Variants in ASIC2 observed in about 807,000 individuals in gnomAD.
ASIC2 encodes the protein acid-sensing ion channel 2.
A neutral mutation model predicts 57.3 loss-of-function variants in ASIC2; 25 were observed. The ratio of observed to expected loss-of-function variants is 0.44; its 90% CI spans 0.32 to 0.61. The LOEUF is 0.61. ASIC2 is among the 20% of genes least tolerant of loss of function. The pLI is 0.06. For synonymous variants in ASIC2, 319 were observed against 307.5 expected (o/e 1.04, Z -0.39); for missense variants, 641 against 738.1 (o/e 0.87, Z 1.52).
intron 1 of ASIC2, among the ~76,000 whole-genome samples, chr17:33,681,974 G>T (rs557483898): frequency 6.6e-6 from 1 of 151,842 alleles, no homozygotes; most frequent in Non-Finnish European, 1.5e-5. Context: ...ATTTATAAAA[G>T]GTAGTGCTTG....
chr17:33,343,832 CTT>C (rs1907833156), intron 1 of ASIC2, among the ~76,000 whole-genome samples: 1 of 152,228 alleles, frequency 6.6e-6, no homozygotes, highest in Admixed American at 6.5e-5. Flanking sequence ...AATCCGATCT[CTT>C]CTCTGTGTGA....
chr17:33,742,973 T>C (rs1401291956), intron 1 of ASIC2, among the ~76,000 whole-genome samples: 1 of 152,218 alleles, frequency 6.6e-6, no homozygotes, highest in African/African-American at 2.4e-5. Context: ...CAGTTCCTGT[T>C]GGTAAGTCCT....
At chr17:33,889,986 C>A (rs756565231) in intron 1 of ASIC2, among the ~76,000 whole-genome samples, 1 of 152,162 alleles carries the variant, frequency 6.6e-6, no homozygotes, top group Non-Finnish European at 1.5e-5. Context: ...TAGGCTTAGT[C>A]CAGGGTGAGG....
chr17:33,061,138 T>C (rs1447750980), intron 3 of ASIC2, among the ~76,000 whole-genome samples: 1 of 152,338 alleles, frequency 6.6e-6, no homozygotes, highest in African/African-American at 2.4e-5. Context: ...CTTTTCCTAA[T>C]TGAATACCCT....
chr17:34,067,582 A>T (rs912893600), intron 1 of ASIC2, among the ~76,000 whole-genome samples: 1 of 152,216 alleles, frequency 6.6e-6, no homozygotes, highest in South Asian at 2.1e-4. Flanking sequence ...TTCTAAAAAA[A>T]CTATCCCAAG....
chr17:33,608,667 A>T (rs1216667989), intron 1 of ASIC2, among the ~76,000 whole-genome samples: 1 of 152,184 alleles, frequency 6.6e-6, no homozygotes, highest in East Asian at 1.9e-4. Flanking sequence ...GAAGCAACAC[A>T]GGTCTCCTTT....
At chr17:33,238,657 G>A (rs752759053) in intron 1 of ASIC2, among the ~76,000 whole-genome samples, 4 of 152,116 alleles carry the variant, frequency 2.6e-5, no homozygotes, top group Non-Finnish European at 2.9e-5. Flanking sequence ...GGGCCTTTGC[G>A]TTTGCTGTTC....
At chr17:33,717,513 G>A (rs969433592) in intron 1 of ASIC2, among the ~76,000 whole-genome samples, 2 of 152,152 alleles carry the variant, frequency 1.3e-5, no homozygotes, top group Non-Finnish European at 2.9e-5. Flanking sequence ...AGCGATGGGA[G>A]GTCATAATGC....
At chr17:33,607,979 T>C (rs748861950) in intron 1 of ASIC2, among the ~76,000 whole-genome samples, 164 of 152,160 alleles carry the variant, frequency 1.1e-3, no homozygotes, top group Non-Finnish European at 2.1e-3. Context: ...TAAAGGATCC[T>C]ACCCATGGGC....
At chr17:33,319,374 A>G (rs1199009721) in intron 1 of ASIC2, among the ~76,000 whole-genome samples, 7 of 152,234 alleles carry the variant, frequency 4.6e-5, no homozygotes, top group African/African-American at 1.7e-4. Flanking sequence ...GCCCAGGACA[A>G]TCTATTGGTC....
chr17:33,739,806 A>AAGAC (rs1169881496), intron 1 of ASIC2, among the ~76,000 whole-genome samples: 1 of 147,142 alleles, frequency 6.8e-6, no homozygotes, highest in Non-Finnish European at 1.5e-5. Context: ...GAAAGAAAGA[A>AAGAC]AGAAAGAGAG....
chr17:33,826,571 C>T (rs554408932), intron 1 of ASIC2, among the ~76,000 whole-genome samples: 38 of 152,262 alleles, frequency 2.5e-4, no homozygotes, highest in East Asian at 2.3e-3. Context: ...AATGAGGAAA[C>T]AGGCCCAGAG....
chr17:33,073,945 G>A (rs1295296910), intron 3 of ASIC2, among the ~76,000 whole-genome samples: 2 of 152,126 alleles, frequency 1.3e-5, no homozygotes, highest in African/African-American at 4.8e-5. Flanking sequence ...ACAAGGGAGA[G>A]GGATCTGAGG....
At chr17:33,659,988 G>T (rs370913528) in intron 1 of ASIC2, among the ~76,000 whole-genome samples, 105 of 152,128 alleles carry the variant, frequency 6.9e-4, no homozygotes, top group African/African-American at 2.4e-3. Context: ...GGAGGCTGAG[G>T]CAGGAGGATT....
chr17:33,646,980 G>T (rs991301330), intron 1 of ASIC2, among the ~76,000 whole-genome samples: 1 of 152,108 alleles, frequency 6.6e-6, no homozygotes, highest in Non-Finnish European at 1.5e-5. Flanking sequence ...TTGAGCTTTG[G>T]AAGATGAGGT....
chr17:33,820,227 T>C (rs1452667816), intron 1 of ASIC2, among the ~76,000 whole-genome samples: 1 of 152,220 alleles, frequency 6.6e-6, no homozygotes, highest in Non-Finnish European at 1.5e-5. Context: ...CTGGAACAAG[T>C]TGATATGTGA....
intron 1 of ASIC2, among the ~76,000 whole-genome samples, chr17:33,847,657 T>G (rs1437885380): frequency 6.6e-6 from 1 of 152,160 alleles, no homozygotes; most frequent in Non-Finnish European, 1.5e-5. Context: ...CAACATTCCT[T>G]GAGAGTCTTC....
chr17:33,291,992 T>A lies in ASIC2; in HGVS notation c.124A>T (p.Arg42Ter), dbSNP rs1905488206. The A allele has an allele frequency of 7.8e-6, 10 of 1,276,970 alleles. No individual in the cohort carries two copies. Among genetic ancestry groups the A allele is most frequent in the Non-Finnish European group, 9.8e-6 (10 of 1,021,314 alleles). 79.1% of individuals were successfully genotyped at this position (1,276,970 alleles called of 1,614,324 possible). A position where few individuals can be genotyped will look rare whatever the true frequency, so the allele number is the denominator to read the frequency against. ...LAAAGQPGGG[R>*]GGERALQGPG... ...CCCTGCAGCGCCCGCTCGCCGCCTC[T>A]GCCGCCCCCGGGCTGCCCGGCAGCC... The change falls in exon 1 of 10, where the codon AGA (arginine) becomes TGA (stop). Residue 42 changes from arginine to a stop codon, truncating the protein, a stop_gained. Coordinates refer to ENST00000225823, the MANE Select transcript of ASIC2 (RefSeq NM_183377.2). LOFTEE classifies it high-confidence loss of function.
rs138436553 is a variant in ASIC2 at position 33,460,335 on chromosome 17, G to A, written c.556-348268C>T. ...GGTGGATGGGCTGCCATTCTCACAG[G>A]CAGGAGCTGGTAGATGGCATACAAG... is the stretch of plus-strand genomic sequence containing the variant. On this transcript the variant is annotated intron_variant, in intron 1 of 9. Coordinates refer to the ASIC2 transcript ENST00000359872. Among the ~76,000 whole-genome samples the A allele has an allele frequency of 2.0e-3, 304 of 152,260 alleles. 2 individuals are homozygous for A. The highest frequency in any genetic ancestry group is 2.9e-3 in the Admixed American group (45 of 15,298).
Sources: gnomAD v4.1 joint callset for allele counts (sites outside exome capture counted in the v4.1 genomes callset) on GRCh38, gnomAD v4.1.1 for gene constraint, MANE v1.5 for transcripts, NCBI Gene and HGNC (gene_info 2026-07-23, HGNC 2026-07-21) for gene names.